Variants in IRAK1BP1 observed in about 807,000 individuals in gnomAD.
IRAK1BP1 encodes interleukin 1 receptor associated kinase 1 binding protein 1.
A neutral mutation model predicts 28.0 loss-of-function variants in IRAK1BP1; 24 were observed. The ratio of observed to expected loss-of-function variants is 0.86; its 90% CI spans 0.62 to 1.20. The LOEUF (loss-of-function observed/expected upper bound fraction) is 1.20. IRAK1BP1 is among the 50% of genes most tolerant of loss of function. The probability of loss-of-function intolerance (pLI) is 0.00; values close to 1 mark genes in which losing one functional copy is unlikely to be tolerated. For synonymous variants in IRAK1BP1, 131 were observed against 116.3 expected (o/e 1.13, Z -0.81); for missense variants, 336 against 316.7 (o/e 1.06, Z -0.46).
intron 2 of IRAK1BP1, among the ~76,000 whole-genome samples, chr6:78,893,233 C>T (rs886657797): frequency 6.7e-6 from 1 of 148,394 alleles, no homozygotes; most frequent in African/African-American, 2.5e-5. Flanking sequence ...GCAATGCAAG[C>T]AAGGAGACAG....
At position 78,928,278 on chromosome 6, in the gene IRAK1BP1, A is replaced by G. The variant is rs554400466; in HGVS notation, c.*68-17130A>G. 3.7e-4 allele frequency among the ~76,000 whole-genome samples: 56 copies of G among 152,192 alleles called. 1 individual carries two copies. The highest frequency in any genetic ancestry group is 6.8e-4 in the Non-Finnish European group (46 of 67,972). ...GTATTTAATTTTATTTGTGGTTATT[A>G]TAAATGGGATTATTTGTTTGACTTC... On this transcript the variant is annotated intron_variant and NMD_transcript_variant, in intron 4 of 4. Coordinates refer to the IRAK1BP1 transcript ENST00000606868.
chr6:78,905,693 C>G (rs1051970261), downstream of IRAK1BP1, among the ~76,000 whole-genome samples: 2 of 152,164 alleles, frequency 1.3e-5, no homozygotes, highest in Non-Finnish European at 2.9e-5. Context: ...CCTCCGCCTC[C>G]TGGGTTCAAG....
At chr6:78,881,631 G>A (rs1446499230) in intron 1 of IRAK1BP1, among the ~76,000 whole-genome samples, 3 of 152,148 alleles carry the variant, frequency 2.0e-5, no homozygotes, top group African/African-American at 7.2e-5. Context: ...CTGTGCTTAA[G>A]GTGATAGGGG....
At chr6:78,873,300 A>G (rs1174915497) in intron 1 of IRAK1BP1, among the ~76,000 whole-genome samples, 2 of 147,376 alleles carry the variant, frequency 1.4e-5, no homozygotes, top group Non-Finnish European at 3.0e-5. Context: ...ATAACCTGTC[A>G]TATATTGCAA....
the IRAK1BP1 span, among the ~76,000 whole-genome samples, chr6:78,967,954 G>A: frequency 6.6e-6 from 1 of 151,886 alleles, no homozygotes; most frequent in Non-Finnish European, 1.5e-5. Flanking sequence ...CTAACGCGGT[G>A]AAACCCTGTC....
chr6:78,936,719 T>A (rs527688166), intron 4 of IRAK1BP1: 1 of 151,896 alleles, frequency 6.6e-6, no homozygotes, highest in South Asian at 2.1e-4. Context: ...ACAAGGTTTA[T>A]CTCTGGAGCG....
chr6:78,975,478 C>T, the IRAK1BP1 span, among the ~76,000 whole-genome samples: 1 of 152,202 alleles, frequency 6.6e-6, no homozygotes, highest in Non-Finnish European at 1.5e-5. Flanking sequence ...CAGGGATGCT[C>T]TCTCTCACCA....
At chr6:78,877,882 C>T (rs1371298903) in intron 1 of IRAK1BP1, among the ~76,000 whole-genome samples, 1 of 152,098 alleles carries the variant, frequency 6.6e-6, no homozygotes, top group Non-Finnish European at 1.5e-5. Flanking sequence ...CCCACAGAGC[C>T]TCTCTTGCTG....
At chr6:78,871,770 A>G (rs1281927788) in intron 1 of IRAK1BP1, 2 of 267,780 alleles carry the variant, frequency 7.5e-6, no homozygotes, top group Non-Finnish European at 1.4e-5. Context: ...CATGCTCTTA[A>G]CCACTACAGG....
At chr6:78,912,816 A>G (rs914311386) in intron 4 of IRAK1BP1, among the ~76,000 whole-genome samples, 4 of 152,240 alleles carry the variant, frequency 2.6e-5, no homozygotes, top group African/African-American at 9.6e-5. Flanking sequence ...ATATGCCACC[A>G]GAAATGTGGA....
At chr6:78,882,252 A>T (rs1771256065) in intron 1 of IRAK1BP1, among the ~76,000 whole-genome samples, 1 of 152,158 alleles carries the variant, frequency 6.6e-6, no homozygotes, top group Non-Finnish European at 1.5e-5. Context: ...AAGTAAAGGA[A>T]AGGGGTATGT....
Position 78,870,411 on chromosome 6 carries a change from A to C in IRAK1BP1, c.315+2520A>C, listed in dbSNP as rs188138141. Among the ~76,000 whole-genome samples, 222 of 152,280 alleles carry C rather than the reference A, an allele frequency of 1.5e-3. 1 individual carries two copies. The highest frequency in any genetic ancestry group is 5.0e-3 in the African/African-American group (206 of 41,554). ...TTTACTTGTTTCTCCTCCATATTCT[A>C]AACTTCTCCAGAGCCAAGACCATTT... On this transcript the variant is annotated intron_variant, in intron 1 of 3. Coordinates refer to ENST00000369940, the MANE Select transcript of IRAK1BP1 (RefSeq NM_001010844.4).
chr6:78,924,279 C>T (rs1050966953), intron 4 of IRAK1BP1, among the ~76,000 whole-genome samples: 1 of 152,136 alleles, frequency 6.6e-6, no homozygotes, highest in Admixed American at 6.5e-5. Context: ...TGAGAGAATA[C>T]TATAAACACC....
chr6:78,947,003 T>C (rs1322127737), downstream of IRAK1BP1: 1 of 532,022 alleles, frequency 1.9e-6, no homozygotes, highest in African/African-American at 2.0e-5. Flanking sequence ...TTACATCCCT[T>C]TTTCCTAATC....
intron 4 of IRAK1BP1, among the ~76,000 whole-genome samples, chr6:78,925,916 A>T (rs771996611): frequency 1.6e-4 from 25 of 152,166 alleles, no homozygotes; most frequent in Non-Finnish European, 2.4e-4. Context: ...CAAGACCGTT[A>T]TCCTAAGCAA....
chr6:78,898,150 C>G lies in IRAK1BP1; in HGVS notation c.599C>G (p.Pro200Arg). Residue 200 changes from proline (P) to arginine (R), a missense_variant, in exon 4 of 4, where the codon CCT becomes CGT. Pro to Arg is a moderately radical substitution (Grantham distance 103, BLOSUM62 -2). Coordinates refer to ENST00000369940, the MANE Select transcript of IRAK1BP1 (RefSeq NM_001010844.4). ...CTTGTTGGCCAAACCTTAGGAAAAC[C>G]TTTACTAATCAAAGAAGAAGAAACA... ...CNLVGQTLGKPLLIKEEETKE... is the reference protein window; with the variant it reads ...CNLVGQTLGKRLLIKEEETKE... The G allele has an allele frequency of 6.2e-7, 1 of 1,613,698 alleles. No individual in the cohort carries two copies. Among genetic ancestry groups the G allele is most frequent in the Non-Finnish European group, 8.5e-7 (1 of 1,179,920 alleles).
In IRAK1BP1 at chr6:78,903,029, A is replaced by G. The variant is rs1249588575; in HGVS notation, c.*4695A>G. 1.4e-5 allele frequency: 21 copies of G among 1,477,194 alleles called. No homozygotes were observed. Among genetic ancestry groups the G allele is most frequent in the Admixed American group, 4.5e-5 (2 of 44,250 alleles). The allele number at this position is 1,477,194 out of a possible 1,614,324, so 91.5% of individuals were successfully genotyped here. A position where few individuals can be genotyped will look rare whatever the true frequency, so the allele number is the denominator to read the frequency against. On this transcript the variant is annotated 3_prime_UTR_variant, in exon 4 of 4. Transcript: ENST00000369940. ...TCCTTCTTCAACATCCCAACCAACA[A>G]TTACTCCCAGATAGCCATGTCACCT...
At chr6:78,887,559 G>A (rs1029837995) in intron 2 of IRAK1BP1, among the ~76,000 whole-genome samples, 2 of 151,950 alleles carry the variant, frequency 1.3e-5, no homozygotes, top group African/African-American at 2.4e-5. Context: ...ACAGCTACTC[G>A]GGAGGCTGAG....
rs1026954920 is a variant in IRAK1BP1, at chr6:78,869,710, C to G, written c.315+1819C>G. 8.5e-5 allele frequency among the ~76,000 whole-genome samples: 13 copies of G among 152,284 alleles called. No individual in the cohort carries two copies. In the East Asian group the frequency reaches 9.6e-4, roughly 11 times the overall value. On this transcript the variant is annotated intron_variant, in intron 1 of 3. Transcript: ENST00000369940. ...TTTCAGAATGAATTATGGGTCTTCA[C>G]AAAGTCTGTATTCATTTTAAACTTT...
Sources: gnomAD v4.1 joint callset for allele counts (sites outside exome capture counted in the v4.1 genomes callset) on GRCh38, gnomAD v4.1.1 for gene constraint, MANE v1.5 for transcripts, NCBI Gene and HGNC (gene_info 2026-07-23, HGNC 2026-07-21) for gene names.